ENO3: variants seen among roughly 807,000 people sequenced by gnomAD.
The protein encoded by ENO3 is beta-enolase.
Under a neutral mutation model 47.7 loss-of-function variants are expected in ENO3, and 46 were observed. The ratio of observed to expected loss-of-function variants is 0.96; its 90% confidence interval spans 0.76 to 1.23. The LOEUF (loss-of-function observed/expected upper bound fraction) is 1.23. Ranked by LOEUF, ENO3 falls within the 50% of genes most tolerant of loss-of-function variation. The pLI, the probability that ENO3 is intolerant of heterozygous loss-of-function variation, is 0.00. For missense variants in ENO3, 575 were observed against 566.2 expected, an observed-to-expected ratio of 1.02 and a Z score of -0.16; for synonymous variants, 223 against 225.9, an observed-to-expected ratio of 0.99 and a Z score of 0.11.
Position 4,953,834 on chromosome 17 carries a change from C to G in ENO3, c.433C>G (p.Leu145Val). 1.2e-6 allele frequency: 2 copies of G among 1,614,192 alleles called. No homozygotes were observed. Among genetic ancestry groups the G allele is most frequent in the Non-Finnish European group, 1.7e-6 (2 of 1,180,032 alleles). ...ADLAGNPDLI[L>V]PVPAFNVING... ...TCTCGCTGGGAACCCTGACCTCATA[C>G]TCCCAGTGCCAGTGAGTGCAGCTAC... Residue 145 changes from leucine (L) to valine (V), a missense_variant, in exon 6 of 12, where the codon CTC becomes GTC. Leu to Val is a conservative substitution (Grantham distance 32). Coordinates refer to ENST00000519602, the MANE Select transcript of ENO3 (RefSeq NM_053013.4).
chr17:4,952,841 T>C lies in ENO3; in HGVS notation c.132T>C (p.Tyr44=), dbSNP rs1971587909. 1.4e-5 allele frequency: 22 copies of C among 1,612,378 alleles called. No individual in the cohort carries two copies. The highest frequency in any genetic ancestry group is 1.9e-5 in the Non-Finnish European group (22 of 1,179,072). The change falls in exon 3 of 12, where the codon TAT becomes TAC. Residue 44 remains tyrosine, a synonymous_variant. Transcript: ENST00000519602. ...CCAGTGGGGCTTCCACGGGTATCTA[T>C]GAGGCTCTGGAACTAAGAGACGGAG... ...AVPSGASTGI[Y]EALELRDGDK... is the part of the protein sequence containing the mutation.
intron 8 of ENO3, 104 bp from the exon 9 acceptor site, chr17:4,955,837 GC>G: frequency 1.1e-6 from 1 of 880,894 alleles, no homozygotes. Flanking sequence ...CTCTGTCTCT[GC>G]CCTGTCTCTG....
At chr17:4,955,692 C>A (rs564348252) in intron 8 of ENO3, 88 bp downstream of exon 8, 2 of 1,564,476 alleles carry the variant, frequency 1.3e-6, no homozygotes, top group South Asian at 2.2e-5. Flanking sequence ...TTGCCATCGA[C>A]TTGGATCCTT....
chr17:4,949,551 T>G (rs1276773816), upstream of ENO3, among the ~76,000 whole-genome samples: 2 of 146,530 alleles, frequency 1.4e-5, no homozygotes, highest in African/African-American at 5.0e-5. Flanking sequence ...AAGGGGAAAG[T>G]CCCACTTCGG....
chr17:4,953,886 A>C (rs1002072644), intron 6 of ENO3, 41 bp downstream of exon 6: 2 of 1,613,690 alleles, frequency 1.2e-6, no homozygotes, highest in Non-Finnish European at 1.7e-6. Flanking sequence ...TCGCCTGGAC[A>C]GAGCCAACCC....
chr17:4,954,015 C>A, intron 6 of ENO3, 170 bp downstream of exon 6: 2 of 1,023,238 alleles, frequency 2.0e-6, no homozygotes, highest in Non-Finnish European at 2.9e-6. Context: ...TTCCACAATC[C>A]AAACCTTCCC....
In ENO3 at chr17:4,956,140, A is replaced by G; in HGVS notation, c.1064A>G (p.Gln355Arg). ...NQIGSVTESI[Q>R]ACKLAQSNGW... ...ATCGGCTCGGTGACCGAATCGATCC[A>G]GGCGTGAGTGCCTCCTGACCCTGAG... Residue 355 changes from glutamine (Q) to arginine (R), a missense_variant, in exon 9 of 12, where the codon CAG becomes CGG. By Grantham distance (43) the Gln-to-Arg change is conservative (BLOSUM62 1). Coordinates refer to ENST00000519602, the MANE Select transcript of ENO3 (RefSeq NM_053013.4). 6.2e-7 allele frequency: 1 copy of G among 1,613,866 alleles called. No homozygotes were observed.
intron 5 of ENO3, 41 bp downstream of exon 5, chr17:4,953,382 G>A: frequency 6.2e-7 from 1 of 1,613,190 alleles, no homozygotes; most frequent in Non-Finnish European, 8.5e-7. Flanking sequence ...TGAGGTGTGG[G>A]AGAGATGGCG....
chr17:4,953,129 C>T lies in ENO3; in HGVS notation c.240+20C>T, dbSNP rs761512276. 1.4e-5 allele frequency: 23 copies of T among 1,614,038 alleles called. No homozygotes were observed. The Admixed American group carries it at 2.5e-4, about 18-fold the overall frequency. ...CAAAAGGCAAGTGGGGAAGCCCGCT[C>T]GCTGCAGCCTCCTCCCCATGCCCCT... On this transcript the variant is annotated intron_variant, in intron 4 of 11. Coordinates refer to ENST00000519602, the MANE Select transcript of ENO3 (RefSeq NM_053013.4).
In ENO3 at chr17:4,953,257, AACTC is replaced by A. The variant is rs1971606767; in HGVS notation, c.241-12_241-9del. The A allele has an allele frequency of 6.2e-7, 1 of 1,614,064 alleles. No homozygotes were observed. The highest frequency in any genetic ancestry group is 8.5e-7 in the Non-Finnish European group (1 of 1,180,034). On this transcript the variant is annotated splice_polypyrimidine_tract_variant and intron_variant, in intron 4 of 11. Coordinates refer to ENST00000519602, the MANE Select transcript of ENO3 (RefSeq NM_053013.4). Reference sequence around the variant, plus strand: ...ATCTGACCTCTGCTCTCCCTTCTCAAACTCACCCTTCCAGAAACTAAGCGTTGTG... The same window carrying A: ...ATCTGACCTCTGCTCTCCCTTCTCAAACCCTTCCAGAAACTAAGCGTTGTG...
chr17:4,950,661 G>A (rs1199351688), upstream of ENO3: 13 of 985,398 alleles, frequency 1.3e-5, no homozygotes, highest in African/African-American at 1.7e-5. Context: ...GGGGTGGGGG[G>A]TCCCGTCCTT....
chr17:4,954,890 C>T (rs1000983970), intron 6 of ENO3, among the ~76,000 whole-genome samples, 185 bp from the exon 7 acceptor site: 6 of 142,450 alleles, frequency 4.2e-5, no homozygotes, highest in Non-Finnish European at 9.1e-5. Flanking sequence ...AGTGAGACTC[C>T]GTCTCAAAAA....
chr17:4,952,407 G>C, intron 2 of ENO3: 2 of 339,186 alleles, frequency 5.9e-6, no homozygotes, highest in South Asian at 4.7e-5. Context: ...GCAGTGGCGC[G>C]ATCTAGGCTC....
rs774553378 is a variant in ENO3, at chr17:4,955,110, A to C, written c.480A>C (p.Gly160=). The C allele has an allele frequency of 2.5e-6, 4 of 1,612,242 alleles. No homozygotes were observed. Among genetic ancestry groups the C allele is most frequent in the Non-Finnish European group, 3.4e-6 (4 of 1,178,828 alleles). The change falls in exon 7 of 12, where the codon GGA becomes GGC. Residue 160 remains glycine (G), a synonymous_variant. Transcript: ENST00000519602. The part of the protein sequence containing the change: ...FNVINGGSHA[G]NKLAMQEFMI... Reference sequence around the variant, plus strand: ...TGATCAACGGGGGCTCCCATGCTGGAAACAAGCTGGCCATGCAGGAGTTCA... The same window carrying C: ...TGATCAACGGGGGCTCCCATGCTGGCAACAAGCTGGCCATGCAGGAGTTCA...
rs557538543 is a variant in ENO3, at chr17:4,953,429, G to A, written c.310+88G>A. 1.5e-5 allele frequency: 24 copies of A among 1,578,034 alleles called. No individual in the cohort carries two copies. The South Asian group carries it at 2.3e-4, about 15-fold the overall frequency. ...GGTGAGGCCTGATGGGTTATTTCTG[G>A]GTCCCCCATTTTGGGTCACACCGCA... On this transcript the variant is annotated intron_variant, in intron 5 of 11. Transcript: ENST00000519602.
upstream of ENO3, among the ~76,000 whole-genome samples, chr17:4,949,704 C>G (rs1255787387): frequency 2.6e-5 from 4 of 152,200 alleles, no homozygotes; most frequent in East Asian, 7.8e-4. Flanking sequence ...GGAGCCTGGG[C>G]TAGGGGCAAG....
chr17:4,949,930 G>C (rs1046682536), upstream of ENO3, among the ~76,000 whole-genome samples: 4 of 152,016 alleles, frequency 2.6e-5, no homozygotes, highest in Non-Finnish European at 5.9e-5. Context: ...CCTGACCCCT[G>C]GCCCACCGCA....
Position 4,951,908 on chromosome 17 carries a change from G to A in ENO3, c.79G>A (p.Ala27Thr), listed in dbSNP as rs766310955. The A allele has an allele frequency of 6.8e-6, 11 of 1,614,106 alleles. No individual in the cohort carries two copies. Among genetic ancestry groups the A allele is most frequent in the Non-Finnish European group, 9.3e-6 (11 of 1,179,988 alleles). The change falls in exon 2 of 12, where the codon GCC becomes ACC. Residue 27 changes from alanine to threonine, a missense_variant. Coordinates refer to ENST00000519602, the MANE Select transcript of ENO3 (RefSeq NM_053013.4). Reference protein sequence around the residue: ...NPTVEVDLHTAKGRFRAAVPS... With the variant: ...NPTVEVDLHTTKGRFRAAVPS... ...CACGGTGGAGGTGGACCTGCACACG[G>A]CCAAGGGTAACACAAGGCCCATTGG... is the stretch of plus-strand genomic sequence containing the variant.
intron 5 of ENO3, 93 bp from the exon 6 acceptor site, chr17:4,953,619 G>T (rs543793407): frequency 5.8e-5 from 93 of 1,605,604 alleles, no homozygotes; most frequent in Non-Finnish European, 7.7e-5. Context: ...AATTCTTCAT[G>T]CTCAGTGGTT....
Sources: gnomAD v4.1 joint callset for allele counts (sites outside exome capture counted in the v4.1 genomes callset) on GRCh38, gnomAD v4.1.1 for gene constraint, MANE v1.5 for transcripts, NCBI Gene and HGNC (gene_info 2026-07-23, HGNC 2026-07-21) for gene names.